The following GRID2 variants were observed in gnomAD, a reference collection of about 807,000 sequenced individuals.
GRID2 encodes glutamate ionotropic receptor delta type subunit 2.
Under a neutral mutation model 114.8 loss-of-function variants are expected in GRID2, and 33 were observed. That is an observed-to-expected ratio of 0.29 (90% CI 0.22 to 0.38). The LOEUF is 0.38. Among genes scored for constraint, GRID2 ranks in the 10% least tolerant of loss-of-function variants. GRID2 has a pLI of 1.00. For missense variants in GRID2, 1,184 were observed against 1,257.7 expected (o/e 0.94, Z 0.89); for synonymous variants, 505 against 449.9 (o/e 1.12, Z -1.55).
intron 13 of GRID2, among the ~76,000 whole-genome samples, chr4:93,559,835 C>T (rs113314944): frequency 3.2e-4 from 49 of 152,106 alleles, no homozygotes; most frequent in African/African-American, 5.5e-4. Context: ...AACCCAAATG[C>T]GCATCAATTA....
At chr4:93,118,615 G>C (rs1733498566) in intron 4 of GRID2, among the ~76,000 whole-genome samples, 1 of 152,154 alleles carries the variant, frequency 6.6e-6, no homozygotes, top group Non-Finnish European at 1.5e-5. Context: ...GTTTGAAACT[G>C]GTCAAATAGG....
At chr4:93,185,249 G>A (rs746183967) in intron 4 of GRID2, among the ~76,000 whole-genome samples, 3 of 152,126 alleles carry the variant, frequency 2.0e-5, no homozygotes, top group Admixed American at 2.0e-4. Flanking sequence ...TCTTGTTACA[G>A]TCCTCTATGT....
chr4:92,616,435 G>C (rs888831082), intron 2 of GRID2, among the ~76,000 whole-genome samples: 1 of 151,126 alleles, frequency 6.6e-6, no homozygotes, highest in Non-Finnish European at 1.5e-5. Context: ...TCAGTAGTTT[G>C]ACTATGATCT....
chr4:93,186,180 G>T (rs1470261150), intron 4 of GRID2, among the ~76,000 whole-genome samples: 1 of 152,102 alleles, frequency 6.6e-6, no homozygotes, highest in African/African-American at 2.4e-5. Context: ...CCAAGTCTTT[G>T]CTATTGTGAA....
At chr4:93,051,881 T>G (rs1177655985) in intron 2 of GRID2, among the ~76,000 whole-genome samples, 1 of 151,866 alleles carries the variant, frequency 6.6e-6, no homozygotes, top group African/African-American at 2.4e-5. Context: ...TTTGTCCAGT[T>G]TTTTTTTCTA....
Position 92,406,934 on chromosome 4 carries a change from G to T in GRID2, c.88+102190G>T, listed in dbSNP as rs1162550173. On this transcript the variant is annotated intron_variant, in intron 1 of 15. Coordinates refer to ENST00000282020, the MANE Select transcript of GRID2 (RefSeq NM_001510.4). ...TAATCCGTTCTCACACTGCTATAAA[G>T]ATACTATCTGAAACTGGGTAATTTA... Among the ~76,000 whole-genome samples, 6 of 151,930 alleles carry T rather than the reference G, an allele frequency of 3.9e-5. No individual in the cohort carries two copies. The East Asian group carries it at 1.2e-3, about 29-fold the overall frequency.
intron 10 of GRID2, among the ~76,000 whole-genome samples, chr4:93,424,128 A>G (rs542243704): frequency 7.2e-5 from 11 of 151,986 alleles, no homozygotes; most frequent in Admixed American, 5.2e-4. Context: ...CCTTTTTGAT[A>G]TTGTGTTCAC....
intron 13 of GRID2, among the ~76,000 whole-genome samples, chr4:93,555,429 G>C (rs1040923833): frequency 1.3e-5 from 2 of 152,088 alleles, no homozygotes; most frequent in African/African-American, 4.8e-5. Context: ...GCGGGGAAGG[G>C]AGTCTGCCAT....
chr4:92,739,188 C>T (rs1395351734), intron 2 of GRID2, among the ~76,000 whole-genome samples: 2 of 151,944 alleles, frequency 1.3e-5, no homozygotes, highest in Admixed American at 6.6e-5. Context: ...GTCAAGTTAC[C>T]CTAGAACATG....
intron 2 of GRID2, among the ~76,000 whole-genome samples, chr4:92,745,681 G>T (rs1190436434): frequency 2.0e-5 from 3 of 151,890 alleles, no homozygotes; most frequent in Non-Finnish European, 4.4e-5. Context: ...CAATATATTT[G>T]AGCATATTCT....
chr4:92,521,323 A>G (rs1023320041), intron 1 of GRID2, among the ~76,000 whole-genome samples: 5 of 151,980 alleles, frequency 3.3e-5, no homozygotes, highest in Non-Finnish European at 7.4e-5. Context: ...AAGTTTTATT[A>G]TATAACAAAC....
At chr4:93,451,897 A>G (rs570703142) in intron 10 of GRID2, among the ~76,000 whole-genome samples, 3 of 152,292 alleles carry the variant, frequency 2.0e-5, no homozygotes, top group Non-Finnish European at 4.4e-5. Context: ...GTTGAATATC[A>G]TAAGTATGAT....
intron 2 of GRID2, among the ~76,000 whole-genome samples, chr4:92,795,030 T>A (rs1177855796): frequency 6.6e-6 from 1 of 151,102 alleles, no homozygotes; most frequent in Admixed American, 6.6e-5. Context: ...TGGTAGTGAA[T>A]CATTATTAAA....
intron 8 of GRID2, among the ~76,000 whole-genome samples, chr4:93,267,829 C>A (rs1195531050): frequency 1.3e-5 from 2 of 152,182 alleles, no homozygotes; most frequent in Admixed American, 6.5e-5. Flanking sequence ...GTCATTCCTG[C>A]TAGCTGCTTA....
chr4:93,649,838 A>G (rs555494563), intron 14 of GRID2, among the ~76,000 whole-genome samples: 6 of 152,252 alleles, frequency 3.9e-5, no homozygotes, highest in African/African-American at 1.4e-4. Flanking sequence ...TAACTCCAAA[A>G]TCCTAGTCCA....
intron 1 of GRID2, among the ~76,000 whole-genome samples, chr4:92,482,024 AT>A (rs1560660557): frequency 8.6e-5 from 6 of 69,420 alleles, no homozygotes; most frequent in East Asian, 6.2e-4. Flanking sequence ...ATATATATAT[AT>A]ATATATATAA....
intron 1 of GRID2, among the ~76,000 whole-genome samples, chr4:92,325,411 C>T (rs1726541550): frequency 6.6e-6 from 1 of 151,776 alleles, no homozygotes; most frequent in South Asian, 2.1e-4. Context: ...TCTGTGCCTT[C>T]CCTCAAAACT....
At chr4:93,239,155 A>G (rs972717090) in intron 8 of GRID2, among the ~76,000 whole-genome samples, 2 of 112,452 alleles carry the variant, frequency 1.8e-5, no homozygotes, top group Middle Eastern at 5.0e-3. Flanking sequence ...ATATATTTAT[A>G]GCATTTGATA....
intron 2 of GRID2, among the ~76,000 whole-genome samples, chr4:92,855,767 T>C (rs1744129860): frequency 6.6e-6 from 1 of 151,962 alleles, no homozygotes; most frequent in Admixed American, 6.6e-5. Context: ...ATATGAATTA[T>C]TTTTATCTGG....
Sources: gnomAD v4.1 joint callset for allele counts (sites outside exome capture counted in the v4.1 genomes callset) on GRCh38, gnomAD v4.1.1 for gene constraint, MANE v1.5 for transcripts, NCBI Gene and HGNC (gene_info 2026-07-23, HGNC 2026-07-21) for gene names.